CTNNAL1: variants seen among roughly 807,000 people sequenced by gnomAD.
CTNNAL1 encodes alpha-catulin.
In CTNNAL1, 69 loss-of-function variants were observed where a neutral mutation model predicts 93.6. The ratio of observed to expected loss-of-function variants is 0.74; its 90% CI spans 0.61 to 0.90. CTNNAL1 has a LOEUF of 0.90. Ranked by LOEUF, CTNNAL1 falls within the 40% of genes least tolerant of loss-of-function variation. CTNNAL1 has a pLI of 0.00. For missense variants in CTNNAL1, 836 were observed against 862.0 expected (o/e 0.97, Z 0.38); for synonymous variants, 286 against 305.4 (o/e 0.94, Z 0.66).
At chr9:108,972,864 G>GGGGCGCCCCCCCCCCCC in intron 8 of CTNNAL1, 31 bp from the exon 9 acceptor site, 2 of 142,584 alleles carry the variant, frequency 1.4e-5, no homozygotes, top group Non-Finnish European at 2.0e-5. Flanking sequence ...GGGGGGGTGG[G>GGGGCGCCCCCCCCCCCC]AGGGTGGAGA....
rs544972698 is a variant in CTNNAL1, at chr9:108,947,796, T to A, written c.1884+390A>T. Among the ~76,000 whole-genome samples, 101 of 152,338 alleles carry A rather than the reference T, an allele frequency of 6.6e-4. 3 individuals carry two copies. The South Asian group carries it at 0.02, about 31-fold the overall frequency. On this transcript the variant is annotated intron_variant, in intron 15 of 18. Coordinates refer to ENST00000325551, the MANE Select transcript of CTNNAL1 (RefSeq NM_003798.4). ...AAGCATTTTAACAGATACTCTCTCATGTGTTATCTCATTTAATCAATATAT... is the reference window on the plus strand; with the variant it reads ...AAGCATTTTAACAGATACTCTCTCAAGTGTTATCTCATTTAATCAATATAT...
chr9:108,993,558 C>A (rs903221219), intron 2 of CTNNAL1, among the ~76,000 whole-genome samples: 10 of 152,188 alleles, frequency 6.6e-5, no homozygotes, highest in African/African-American at 2.2e-4. Context: ...ATTAATTGAA[C>A]TCCCAACCCT....
At chr9:108,956,932 A>G (rs2132103949) in intron 11 of CTNNAL1, among the ~76,000 whole-genome samples, 1 of 151,990 alleles carries the variant, frequency 6.6e-6, no homozygotes, top group African/African-American at 2.4e-5. Context: ...ACAAGTGTTT[A>G]ATACATAACA....
At chr9:108,977,731 A>T (rs1336379658) in intron 7 of CTNNAL1, among the ~76,000 whole-genome samples, 1 of 152,200 alleles carries the variant, frequency 6.6e-6, no homozygotes, top group Non-Finnish European at 1.5e-5. Flanking sequence ...TTGCATGATA[A>T]ATAAAAATTA....
chr9:108,980,237 C>G (rs372053123), intron 6 of CTNNAL1, among the ~76,000 whole-genome samples: 3 of 152,252 alleles, frequency 2.0e-5, no homozygotes, highest in Admixed American at 6.5e-5. Context: ...CTTCAGCCAT[C>G]CTGTTTGGAG....
In CTNNAL1 at chr9:109,005,660, G is replaced by A. The variant is rs566788282; in HGVS notation, c.142-6404C>T. 2.0e-5 allele frequency among the ~76,000 whole-genome samples: 3 copies of A among 152,220 alleles called. No individual in the cohort carries two copies. The South Asian group carries it at 6.2e-4, about 32-fold the overall frequency. Reference sequence around the variant, plus strand: ...GACTACCCAGCCTACATAACTGTGAGGCATAAATTTCTGTTGTTTAAGGCA... The same window carrying A: ...GACTACCCAGCCTACATAACTGTGAAGCATAAATTTCTGTTGTTTAAGGCA... On this transcript the variant is annotated intron_variant, in intron 1 of 18. Coordinates refer to ENST00000325551, the MANE Select transcript of CTNNAL1 (RefSeq NM_003798.4).
intron 11 of CTNNAL1, among the ~76,000 whole-genome samples, chr9:108,962,455 A>G (rs1008338919): frequency 6.6e-6 from 1 of 152,172 alleles, no homozygotes; most frequent in African/African-American, 2.4e-5. Context: ...AGAACACTGA[A>G]TTAATGTTGC....
At chr9:108,989,055 T>C (rs183018596) in intron 4 of CTNNAL1, among the ~76,000 whole-genome samples, 125 of 152,298 alleles carry the variant, frequency 8.2e-4, no homozygotes, top group African/African-American at 2.6e-3. Flanking sequence ...TTGCTAAAAA[T>C]AGATACCACT....
At chr9:109,008,300 G>A (rs1277801211) in intron 1 of CTNNAL1, among the ~76,000 whole-genome samples, 1 of 151,858 alleles carries the variant, frequency 6.6e-6, no homozygotes. Context: ...TGGAATTACA[G>A]GCATGCACCA....
chr9:108,970,300 G>T, intron 10 of CTNNAL1, 102 bp downstream of exon 10: 2 of 958,064 alleles, frequency 2.1e-6, no homozygotes, highest in Non-Finnish European at 2.9e-6. Flanking sequence ...ATGTATATTT[G>T]GACTCTAGTT....
At chr9:108,969,607 T>G (rs1347222424) in intron 10 of CTNNAL1, among the ~76,000 whole-genome samples, 1 of 152,192 alleles carries the variant, frequency 6.6e-6, no homozygotes, top group Non-Finnish European at 1.5e-5. Flanking sequence ...TTTAACACTA[T>G]AATGTACTAT....
At chr9:109,010,431 T>G (rs1827173059) in intron 1 of CTNNAL1, among the ~76,000 whole-genome samples, 1 of 152,212 alleles carries the variant, frequency 6.6e-6, no homozygotes, top group Non-Finnish European at 1.5e-5. Flanking sequence ...CAGTGCTGAG[T>G]AGAAGCATAG....
intron 6 of CTNNAL1, among the ~76,000 whole-genome samples, 174 bp from the exon 7 acceptor site, chr9:108,979,655 T>C (rs1252569689): frequency 6.6e-6 from 1 of 152,228 alleles, no homozygotes; most frequent in African/African-American, 2.4e-5. Context: ...GAAGGATACA[T>C]TGCTCAAAAG....
chr9:109,010,259 T>G (rs1404982024), intron 1 of CTNNAL1, among the ~76,000 whole-genome samples: 1 of 152,224 alleles, frequency 6.6e-6, no homozygotes, highest in Non-Finnish European at 1.5e-5. Flanking sequence ...CTACACTCAG[T>G]GAACTTGCCA....
At chr9:108,980,326 C>G (rs1489185771) in intron 6 of CTNNAL1, among the ~76,000 whole-genome samples, 2 of 152,188 alleles carry the variant, frequency 1.3e-5, no homozygotes, top group East Asian at 3.8e-4. Flanking sequence ...CATGCCATTT[C>G]AACCCTGTAA....
At chr9:108,968,971 C>G (rs1405260394) in intron 10 of CTNNAL1, among the ~76,000 whole-genome samples, 1 of 151,802 alleles carries the variant, frequency 6.6e-6, no homozygotes, top group Non-Finnish European at 1.5e-5. Context: ...AGAGCTTAGA[C>G]TCTAAGAAAG....
chr9:108,958,904 T>C (rs1830752797), intron 11 of CTNNAL1, among the ~76,000 whole-genome samples: 3 of 150,218 alleles, frequency 2.0e-5, no homozygotes, highest in African/African-American at 7.4e-5. Context: ...CGGCTAATTA[T>C]AGATGTTATT....
intron 7 of CTNNAL1, 99 bp downstream of exon 7, chr9:108,979,182 A>C: frequency 1.4e-6 from 2 of 1,454,876 alleles, no homozygotes; most frequent in Non-Finnish European, 1.9e-6. Flanking sequence ...TTCTGGAACA[A>C]ATTCATACTC....
intron 14 of CTNNAL1, among the ~76,000 whole-genome samples, chr9:108,949,183 A>G (rs1367135481): frequency 6.6e-6 from 1 of 152,228 alleles, no homozygotes; most frequent in Non-Finnish European, 1.5e-5. Context: ...CAAGGTATTT[A>G]TCTATTACAG....
Sources: allele counts gnomAD v4.1 joint callset (sites outside exome capture counted in the v4.1 genomes callset), GRCh38; gene constraint gnomAD v4.1.1; transcripts MANE v1.5; gene names NCBI Gene and HGNC (gene_info 2026-07-23, HGNC 2026-07-21).